The following KCNMA1 variants were observed in gnomAD, a reference collection of about 807,000 sequenced individuals.
KCNMA1 encodes potassium calcium-activated channel subfamily M alpha 1.
KCNMA1 carries 29 observed loss-of-function variants against 140.0 expected under a neutral mutation model. The ratio of observed to expected loss-of-function variants is 0.21; its 90% CI spans 0.15 to 0.28. The LOEUF (loss-of-function observed/expected upper bound fraction) is 0.28, where lower values mean the gene tolerates loss of function less well. Among genes scored for constraint, KCNMA1 ranks in the 10% least tolerant of loss-of-function variants. The pLI, the probability that KCNMA1 is intolerant of heterozygous loss-of-function variation, is 1.00. For synonymous variants in KCNMA1, 612 were observed against 611.9 expected (o/e 1.00, Z 0.00); for missense variants, 880 against 1,602.2 (o/e 0.55, Z 7.70).
intron 23 of KCNMA1, among the ~76,000 whole-genome samples, chr10:76,926,424 T>C (rs767120073): frequency 1.1e-4 from 17 of 152,170 alleles, no homozygotes; most frequent in Non-Finnish European, 1.9e-4. Flanking sequence ...GGAAACTGCT[T>C]ACAACAGCAC....
intron 14 of KCNMA1, among the ~76,000 whole-genome samples, chr10:77,068,412 T>C (rs887793645): frequency 6.6e-5 from 10 of 152,178 alleles, no homozygotes; most frequent in Non-Finnish European, 1.3e-4. Flanking sequence ...CTATGGTTAG[T>C]GCTAGGACAA....
At chr10:77,563,578 T>C (rs565469077) in intron 1 of KCNMA1, among the ~76,000 whole-genome samples, 2 of 151,898 alleles carry the variant, frequency 1.3e-5, no homozygotes, top group East Asian at 3.9e-4. Flanking sequence ...CTACTCCTTC[T>C]ACCCTCCCTC....
chr10:77,463,804 G>A (rs115702895), intron 1 of KCNMA1, among the ~76,000 whole-genome samples: 214 of 152,206 alleles, frequency 1.4e-3, no homozygotes, highest in African/African-American at 5.0e-3. Context: ...CCAGGCCTTA[G>A]GAGCATGAGG....
intron 2 of KCNMA1, among the ~76,000 whole-genome samples, chr10:77,364,417 C>G (rs2154403705): frequency 6.6e-6 from 1 of 151,894 alleles, no homozygotes; most frequent in African/African-American, 2.4e-5. Flanking sequence ...TGCCACTGCA[C>G]TCCAGCTTGG....
intron 14 of KCNMA1, among the ~76,000 whole-genome samples, chr10:77,058,757 C>T (rs2095634834): frequency 1.3e-5 from 2 of 151,914 alleles, no homozygotes; most frequent in African/African-American, 4.8e-5. Context: ...GCAGCTAAAG[C>T]AGGGACCAGG....
At chr10:77,071,659 A>G (rs2096218815) in intron 14 of KCNMA1, 1 of 152,210 alleles carries the variant, frequency 6.6e-6, no homozygotes, top group African/African-American at 2.4e-5. Flanking sequence ...AAGGAATGCA[A>G]CATCTTTATT....
chr10:77,103,809 G>A (rs1364934776), intron 9 of KCNMA1, among the ~76,000 whole-genome samples: 1 of 152,194 alleles, frequency 6.6e-6, no homozygotes, highest in Non-Finnish European at 1.5e-5. Flanking sequence ...CTGGGGCCAG[G>A]ACCCTTAGGG....
chr10:77,340,226 G>T lies in KCNMA1; in HGVS notation c.540+63636C>A, dbSNP rs1014880917. Among the ~76,000 whole-genome samples, 2 of 152,202 alleles carry T rather than the reference G, an allele frequency of 1.3e-5. 1 individual carries two copies. Among genetic ancestry groups the T allele is most frequent in the South Asian group, 4.1e-4 (2 of 4,832 alleles). ...GTCAGGAAACAACAGGTGCTGGAGA[G>T]GATGTGGAGAAATAGGAACACTTTT... On this transcript the variant is annotated intron_variant, in intron 2 of 27. Transcript: ENST00000286628.
intron 1 of KCNMA1, among the ~76,000 whole-genome samples, chr10:77,440,858 G>A (rs1039908617): frequency 2.6e-5 from 4 of 152,002 alleles, no homozygotes; most frequent in East Asian, 1.9e-4. Flanking sequence ...TCATTCTGTC[G>A]CCCAGGCTGG....
At chr10:76,890,077 AC>A (rs1330274553) in intron 26 of KCNMA1, among the ~76,000 whole-genome samples, 1 of 152,156 alleles carries the variant, frequency 6.6e-6, no homozygotes, top group Non-Finnish European at 1.5e-5. Flanking sequence ...GGAGGTAAGG[AC>A]CCTGTGAAAA....
intron 1 of KCNMA1, among the ~76,000 whole-genome samples, chr10:77,479,490 G>C (rs2098342160): frequency 6.6e-6 from 1 of 152,180 alleles, no homozygotes; most frequent in African/African-American, 2.4e-5. Flanking sequence ...CCTCCCCAAA[G>C]ACTCTCTGGC....
intron 2 of KCNMA1, among the ~76,000 whole-genome samples, chr10:77,253,560 C>T (rs1439896836): frequency 6.6e-6 from 1 of 152,222 alleles, no homozygotes; most frequent in East Asian, 1.9e-4. Flanking sequence ...CAGCCAGTGA[C>T]AGGAGGAGGC....
chr10:77,409,689 C>T (rs1217746999), intron 1 of KCNMA1, among the ~76,000 whole-genome samples: 1 of 152,228 alleles, frequency 6.6e-6, no homozygotes, highest in Non-Finnish European at 1.5e-5. Flanking sequence ...GGAGAGCAAG[C>T]TTGTGCTAAT....
intron 5 of KCNMA1, among the ~76,000 whole-genome samples, chr10:77,179,032 C>T (rs941488318): frequency 2.6e-5 from 4 of 152,082 alleles, no homozygotes; most frequent in East Asian, 1.9e-4. Flanking sequence ...TTTTCTCCTG[C>T]GGTGCTTTAA....
intron 2 of KCNMA1, among the ~76,000 whole-genome samples, chr10:77,351,713 G>C (rs140744686): frequency 6.6e-6 from 1 of 152,174 alleles, no homozygotes; most frequent in Non-Finnish European, 1.5e-5. Flanking sequence ...TAGGTCTGGA[G>C]GGTCCCCAAG....
chr10:77,200,296 G>T (rs2042043774), intron 3 of KCNMA1, among the ~76,000 whole-genome samples: 1 of 152,130 alleles, frequency 6.6e-6, no homozygotes, highest in Admixed American at 6.6e-5. Context: ...ATCTTGTCTT[G>T]TAGCAAGTTA....
At chr10:77,479,031 G>A (rs669540) in intron 1 of KCNMA1, among the ~76,000 whole-genome samples, 120,288 of 152,208 alleles carry the variant, frequency 0.79, 47,793 homozygotes, top group East Asian at 0.89. Context: ...AAAATAAAAC[G>A]AATCATGAAC....
intron 1 of KCNMA1, among the ~76,000 whole-genome samples, chr10:77,447,322 C>T (rs1219454007): frequency 1.3e-5 from 2 of 152,224 alleles, no homozygotes; most frequent in Middle Eastern, 6.3e-3. Flanking sequence ...TCTGCCTCTC[C>T]CTTCTCAGAG....
chr10:77,000,118 A>G (rs1188748906), intron 19 of KCNMA1, among the ~76,000 whole-genome samples: 3 of 152,278 alleles, frequency 2.0e-5, no homozygotes, highest in South Asian at 2.1e-4. Flanking sequence ...TCGTCAGTGT[A>G]CACCTACCCC....
Sources: gnomAD v4.1 joint callset for allele counts (sites outside exome capture counted in the v4.1 genomes callset) on GRCh38, gnomAD v4.1.1 for gene constraint, MANE v1.5 for transcripts, NCBI Gene and HGNC (gene_info 2026-07-23, HGNC 2026-07-21) for gene names.